Variants in TNMD observed in about 807,000 individuals in gnomAD.
TNMD encodes tenomodulin, also known as BRICHOS domain containing 4.
TNMD carries 15 observed loss-of-function variants against 26.9 expected under a neutral mutation model. The ratio of observed to expected loss-of-function variants is 0.56; its 90% confidence interval spans 0.37 to 0.86. The LOEUF is 0.86. Among genes scored for constraint, TNMD ranks in the 40% least tolerant of loss-of-function variants. TNMD has a pLI of 0.00. For synonymous variants in TNMD, 73 were observed against 77.0 expected, an observed-to-expected ratio of 0.95 and a Z score of 0.27; for missense variants, 222 against 242.6, an observed-to-expected ratio of 0.92 and a Z score of 0.56.
chrX:100,593,699 T>G (rs1409575061), intron 2 of TNMD, 196 bp from the exon 3 acceptor site: 44 of 386,678 alleles, frequency 1.1e-4, no homozygotes. Context: ...TATAGGCTGG[T>G]TTGCAAACTA....
At chrX:100,589,304 C>T (rs1461394963) in intron 2 of TNMD, among the ~76,000 whole-genome samples, 1 of 105,746 alleles carries the variant, frequency 9.5e-6, no homozygotes, top group African/African-American at 3.5e-5. Context: ...GAAGGAGTAG[C>T]CGGAATATTT....
At chrX:100,598,506 G>A (rs2082959185) in intron 5 of TNMD, among the ~76,000 whole-genome samples, 2 of 111,981 alleles carry the variant, frequency 1.8e-5, no homozygotes, top group African/African-American at 6.5e-5. Context: ...CCATGGTTAT[G>A]TGAGGTAACA....
rs778443610 is a variant in TNMD at position 100,597,636 on chromosome X, A to C, written c.556A>C (p.Ile186Leu). ...EICDNVTMYW[I>L]NPTLISVSEL... The stretch of plus-strand genomic sequence containing the variant: ...TTGTGATAACGTGACCATGTATTGG[A>C]TCAATCCCACTCTAATATCAGGTAT... The change falls in exon 5 of 7, where the codon ATC (isoleucine) becomes CTC (leucine). Residue 186 changes from isoleucine to leucine, a missense_variant. Physicochemically the swap from Ile to Leu is conservative, Grantham distance 5. Coordinates refer to ENST00000373031, the MANE Select transcript of TNMD (RefSeq NM_022144.3). 1.7e-6 allele frequency: 2 copies of C among 1,208,875 alleles called. No homozygotes were observed. The highest frequency in any genetic ancestry group is 3.5e-5 in the African/African-American group (2 of 57,230).
chrX:100,599,444 G>A (rs2082962456), intron 6 of TNMD, 64 bp from the exon 7 acceptor site: 1 of 1,006,986 alleles, frequency 9.9e-7, no homozygotes, highest in Admixed American at 2.6e-5. Flanking sequence ...TCCCCTGCTT[G>A]GTGAGAACTC....
At chrX:100,591,173 C>G (rs2082936362) in intron 2 of TNMD, among the ~76,000 whole-genome samples, 1 of 111,278 alleles carries the variant, frequency 9.0e-6, no homozygotes, top group African/African-American at 3.3e-5. Flanking sequence ...CAAAAATTAA[C>G]TCTCTCTATT....
rs904414223 is a variant in TNMD at position 100,588,761 on chromosome X, T to A, written c.180+3399T>A. On this transcript the variant is annotated intron_variant, in intron 2 of 6. Transcript: ENST00000373031. ...AACTTAGCACAGACCTTGTAGCCCA[T>A]CCCTGCCAATCCTTTGTGGAGCGAG... Among the ~76,000 whole-genome samples, 7 of 112,023 alleles carry A rather than the reference T, an allele frequency of 6.2e-5. No homozygotes were observed. The Middle Eastern group carries it at 0.014, about 221-fold the overall frequency.
Position 100,594,319 on chromosome X carries a change from A to C in TNMD, c.380A>C (p.Lys127Thr), listed in dbSNP as rs762571864. 1 of 1,199,243 alleles carries C rather than the reference A, an allele frequency of 8.3e-7. No individual in the cohort carries two copies. ...LQKCFIKTQI[K>T]VIPEFSEPEE... ...AAATGTTTTATCAAAACTCAGATTAAAGTGATTCCTGAATTTTCTGAACCA... is the reference window on the plus strand; with the variant it reads ...AAATGTTTTATCAAAACTCAGATTACAGTGATTCCTGAATTTTCTGAACCA... The change falls in exon 4 of 7, where the codon AAA becomes ACA. Residue 127 changes from lysine (K) to threonine (T), a missense_variant. By Grantham distance (78) the Lys-to-Thr change is moderately conservative. Transcript: ENST00000373031.
At position 100,599,652 on chromosome X, in the gene TNMD, C is replaced by G; in HGVS notation, c.889C>G (p.Arg297Gly). The G allele has an allele frequency of 8.3e-7, 1 of 1,211,672 alleles. No individual in the cohort carries two copies. Among genetic ancestry groups the G allele is most frequent in the Non-Finnish European group, 1.1e-6 (1 of 895,489 alleles). Residue 297 changes from arginine to glycine, a missense_variant, in exon 7 of 7, where the codon CGA (arginine) becomes GGA (glycine). By Grantham distance (125) the Arg-to-Gly change is moderately radical. Coordinates refer to ENST00000373031, the MANE Select transcript of TNMD (RefSeq NM_022144.3). The stretch of plus-strand genomic sequence containing the variant: ...ATATCCATACTGCTACCAAGGAGGA[C>G]GAGTCATCTGTCGTGTCATCATGCC... ...YPYPYCYQGG[R>G]VICRVIMPCN...
chrX:100,596,203 G>A (rs941429352), intron 4 of TNMD, among the ~76,000 whole-genome samples: 12 of 111,699 alleles, frequency 1.1e-4, no homozygotes, highest in Admixed American at 3.8e-4. Context: ...GCATGGTGGC[G>A]TGTGCCTGTA....
In TNMD at chrX:100,594,972, G is replaced by A. The variant is rs1456518485; in HGVS notation, c.423+610G>A. The stretch of plus-strand genomic sequence containing the variant: ...AAACACCCTGCTAGACCAAAGTAAG[G>A]CAACCTAGGGTGCTGGTGAAATCAC... On this transcript the variant is annotated intron_variant, in intron 4 of 6. Transcript: ENST00000373031. 8.9e-5 allele frequency among the ~76,000 whole-genome samples: 10 copies of A among 111,989 alleles called. No individual in the cohort carries two copies. In the Admixed American group the frequency reaches 9.4e-4, roughly 11 times the overall value.
Position 100,596,160 on chromosome X carries a change from T to TAAAAC in TNMD, c.424-1324_424-1320dup, listed in dbSNP as rs1296159228. On this transcript the variant is annotated intron_variant, in intron 4 of 6. Coordinates refer to ENST00000373031, the MANE Select transcript of TNMD (RefSeq NM_022144.3). ...CAACATGGTGAAAACCCATCTCTACTAAAACAAAACAAAACAAAACAAAAT... is the reference window on the plus strand; with the variant it reads ...CAACATGGTGAAAACCCATCTCTACTAAAACAAAACAAAACAAAACAAAACAAAAT... Among the ~76,000 whole-genome samples, 8 of 111,495 alleles carry TAAAAC rather than the reference T, an allele frequency of 7.2e-5. No individual in the cohort carries two copies. In the South Asian group the frequency reaches 1.5e-3, roughly 21 times the overall value.
At chrX:100,597,003 C>G (rs983045879) in intron 4 of TNMD, among the ~76,000 whole-genome samples, 1 of 112,128 alleles carries the variant, frequency 8.9e-6, no homozygotes, top group Non-Finnish European at 1.9e-5. Context: ...ACAGGCAAAT[C>G]TTGTAAAACC....
rs185834526 is a variant in TNMD at position 100,586,970 on chromosome X, C to A, written c.180+1608C>A. Among the ~76,000 whole-genome samples, 248 of 112,247 alleles carry A rather than the reference C, an allele frequency of 2.2e-3. 5 individuals carry two copies. The highest frequency in any genetic ancestry group is 0.019 in the Admixed American group (197 of 10,614). ...ATCCATGAGTTAAAGGGCCATAAAT[C>A]CTTTGTTCTCCACAGCCATAATGTA... On this transcript the variant is annotated intron_variant, in intron 2 of 6. Coordinates refer to ENST00000373031, the MANE Select transcript of TNMD (RefSeq NM_022144.3).
intron 2 of TNMD, among the ~76,000 whole-genome samples, chrX:100,592,192 G>A (rs1177952099): frequency 8.9e-6 from 1 of 112,018 alleles, no homozygotes; most frequent in Non-Finnish European, 1.9e-5. Flanking sequence ...AGAGCTGACA[G>A]GACTGGATCT....
intron 3 of TNMD, 104 bp downstream of exon 3, chrX:100,594,139 C>A: frequency 2.1e-6 from 2 of 942,093 alleles, no homozygotes. Context: ...AAATGGAAAG[C>A]TAGCCTCCTC....
At position 100,593,285 on chromosome X, in the gene TNMD, G is replaced by C. The variant is rs113542591; in HGVS notation, c.181-610G>C. Reference sequence around the variant, plus strand: ...ACTTGAAAACAACTGAATATGGCTTGGGAAACAGAACCCAGGAATAAACTG... The same window carrying C: ...ACTTGAAAACAACTGAATATGGCTTCGGAAACAGAACCCAGGAATAAACTG... On this transcript the variant is annotated intron_variant, in intron 2 of 6. Coordinates refer to ENST00000373031, the MANE Select transcript of TNMD (RefSeq NM_022144.3). 1.8e-3 allele frequency: 1,314 copies of C among 716,280 alleles called. 18 individuals carry two copies. In the African/African-American group the frequency reaches 0.03, roughly 16 times the overall value. The allele number at this position is 716,280 out of a possible 1,213,427, so 59.0% of individuals were successfully genotyped here.
At position 100,599,655 on chromosome X, in the gene TNMD, G is replaced by C; in HGVS notation, c.892G>C (p.Val298Leu). 1.7e-6 allele frequency: 2 copies of C among 1,211,841 alleles called. No individual in the cohort carries two copies. The highest frequency in any genetic ancestry group is 2.2e-6 in the Non-Finnish European group (2 of 895,589). The change falls in exon 7 of 7, where the codon GTC (valine) becomes CTC (leucine). Residue 298 changes from valine (V) to leucine (L), a missense_variant. By Grantham distance (32) the Val-to-Leu change is conservative. Coordinates refer to ENST00000373031, the MANE Select transcript of TNMD (RefSeq NM_022144.3). Reference protein sequence around the residue: ...PYPYCYQGGRVICRVIMPCNW... With the variant: ...PYPYCYQGGRLICRVIMPCNW... ...TCCATACTGCTACCAAGGAGGACGAGTCATCTGTCGTGTCATCATGCCTTG... is the reference window on the plus strand; with the variant it reads ...TCCATACTGCTACCAAGGAGGACGACTCATCTGTCGTGTCATCATGCCTTG...
chrX:100,599,333 G>T, intron 6 of TNMD, 151 bp downstream of exon 6: 1 of 670,531 alleles, frequency 1.5e-6, no homozygotes, highest in Non-Finnish European at 2.2e-6. Flanking sequence ...TCTCCAGGAG[G>T]CTCATTCAAA....
chrX:100,593,295 A>T, intron 2 of TNMD: 1 of 733,121 alleles, frequency 1.4e-6, no homozygotes, highest in Non-Finnish European at 1.6e-6. Flanking sequence ...GGGAAACAGA[A>T]CCCAGGAATA....
Sources: allele counts gnomAD v4.1 joint callset (sites outside exome capture counted in the v4.1 genomes callset), GRCh38; gene constraint gnomAD v4.1.1; transcripts MANE v1.5; gene names NCBI Gene and HGNC (gene_info 2026-07-23, HGNC 2026-07-21).